COX10: variants seen among roughly 807,000 people sequenced by gnomAD.
The protein encoded by COX10 is cytochrome c oxidase assembly factor heme A:farnesyltransferase COX10.
COX10 carries 27 observed loss-of-function variants against 37.3 expected under a neutral mutation model. The ratio of observed to expected loss-of-function variants is 0.72; its 90% confidence interval spans 0.53 to 1.00. COX10 has a LOEUF of 1.00. Among genes scored for constraint, COX10 ranks in the 50% least tolerant of loss-of-function variants. The pLI is 0.00. For synonymous variants in COX10, 222 were observed against 229.1 expected (o/e 0.97, Z 0.28); for missense variants, 475 against 563.2 (o/e 0.84, Z 1.59).
At chr17:14,102,716 C>T (rs545090269) in intron 4 of COX10, among the ~76,000 whole-genome samples, 7 of 152,062 alleles carry the variant, frequency 4.6e-5, no homozygotes, top group East Asian at 1.9e-4. Context: ...ATATGGAATA[C>T]GGTTATACCC....
chr17:14,155,889 T>A (rs192611298), intron 4 of COX10, among the ~76,000 whole-genome samples: 264 of 152,106 alleles, frequency 1.7e-3, no homozygotes, highest in Non-Finnish European at 2.5e-3. Context: ...CTGGGCTTCT[T>A]TACGATGTTT....
chr17:14,172,464 G>A (rs1905503561), intron 5 of COX10, among the ~76,000 whole-genome samples: 1 of 151,992 alleles, frequency 6.6e-6, no homozygotes. Context: ...TCTTCTGACT[G>A]GGGTAAAATG....
intron 4 of COX10, among the ~76,000 whole-genome samples, chr17:14,120,998 C>G (rs560661250): frequency 6.6e-6 from 1 of 152,264 alleles, no homozygotes; most frequent in East Asian, 1.9e-4. Context: ...ATCTCTTTGT[C>G]CTTTGCTTCT....
rs568686085 is a variant in COX10, at chr17:14,085,610, G to A, written c.499+8554G>A. ...TGTTGGGTATATAGCATGCCATTGC[G>A]TAGTTATACCATAATTTATTTATTT... On this transcript the variant is annotated intron_variant, in intron 3 of 6. Transcript: ENST00000261643. Among the ~76,000 whole-genome samples, 6 of 152,088 alleles carry A rather than the reference G, an allele frequency of 3.9e-5. No homozygotes were observed. The South Asian group carries it at 8.3e-4, about 21-fold the overall frequency.
In COX10 at chr17:14,101,789, T is replaced by A. The variant is rs147938679; in HGVS notation, c.500-329T>A. On this transcript the variant is annotated intron_variant, in intron 3 of 6. Transcript: ENST00000261643. ...AAGAATAAGACCATATACATCTTTA[T>A]CCCTGGCAGTGCGTACTGATTACAA... is the stretch of plus-strand genomic sequence containing the variant. 5.4e-3 allele frequency among the ~76,000 whole-genome samples: 830 copies of A among 152,318 alleles called. 7 individuals are homozygous for A. The highest frequency in any genetic ancestry group is 0.019 in the African/African-American group (785 of 41,580).
At chr17:14,171,343 A>C (rs1403991557) in intron 5 of COX10, among the ~76,000 whole-genome samples, 1 of 152,208 alleles carries the variant, frequency 6.6e-6, no homozygotes, top group South Asian at 2.1e-4. Flanking sequence ...TCAAAGGTAC[A>C]TTTCACTCAA....
intron 4 of COX10, among the ~76,000 whole-genome samples, chr17:14,151,556 C>T (rs1210452609): frequency 6.6e-6 from 1 of 151,538 alleles, no homozygotes; most frequent in African/African-American, 2.4e-5. Flanking sequence ...CACACACACA[C>T]ACACACACAC....
intron 5 of COX10, among the ~76,000 whole-genome samples, chr17:14,173,965 A>C (rs1366284939): frequency 6.6e-6 from 1 of 152,128 alleles, no homozygotes; most frequent in Non-Finnish European, 1.5e-5. Flanking sequence ...TCGATAAAAC[A>C]CAAAAGCCAC....
chr17:14,133,987 A>G (rs1156625398), intron 4 of COX10, among the ~76,000 whole-genome samples: 2 of 151,624 alleles, frequency 1.3e-5, no homozygotes, highest in Non-Finnish European at 3.0e-5. Context: ...GAACCCTGGT[A>G]TTCGTAATGG....
At chr17:14,143,010 A>G (rs1423861229) in intron 4 of COX10, among the ~76,000 whole-genome samples, 1 of 152,190 alleles carries the variant, frequency 6.6e-6, no homozygotes, top group East Asian at 1.9e-4. Context: ...CTTTCAGCAA[A>G]GGAACTCTAG....
intron 6 of COX10, among the ~76,000 whole-genome samples, chr17:14,197,436 TC>T (rs1045480020): frequency 2.0e-5 from 3 of 152,244 alleles, no homozygotes; most frequent in South Asian, 2.1e-4. Flanking sequence ...TGATTTTTTT[TC>T]CCCCCACAAC....
chr17:14,199,983 C>T (rs966807559), intron 6 of COX10, among the ~76,000 whole-genome samples: 18 of 152,132 alleles, frequency 1.2e-4, no homozygotes, highest in Non-Finnish European at 2.2e-4. Flanking sequence ...AGAGAGGAGA[C>T]TATTGTACTG....
rs1374060354 is a variant in COX10 at position 14,175,208 on chromosome 17, T to A, written c.695+15261T>A. On this transcript the variant is annotated intron_variant, in intron 5 of 6. Coordinates refer to ENST00000261643, the MANE Select transcript of COX10 (RefSeq NM_001303.4). ...TGGTTACACTATGTTTACCTTTTTTTTTTTTTAACTCAGAACTAACTGTAC... is the reference window on the plus strand; with the variant it reads ...TGGTTACACTATGTTTACCTTTTTTATTTTTTAACTCAGAACTAACTGTAC... Among the ~76,000 whole-genome samples, 4 of 151,072 alleles carry A rather than the reference T, an allele frequency of 2.6e-5. No individual in the cohort carries two copies. The East Asian group carries it at 5.8e-4, about 22-fold the overall frequency.
At chr17:14,142,976 T>G (rs146174246) in intron 4 of COX10, among the ~76,000 whole-genome samples, 1 of 152,330 alleles carries the variant, frequency 6.6e-6, no homozygotes, top group Non-Finnish European at 1.5e-5. Flanking sequence ...TACCCTGCTA[T>G]AAGAATTTTC....
intron 4 of COX10, among the ~76,000 whole-genome samples, chr17:14,147,287 A>G (rs1904749123): frequency 6.6e-6 from 1 of 152,216 alleles, no homozygotes. Flanking sequence ...AAAATGTGGT[A>G]CTTATACACA....
chr17:14,175,689 A>G (rs1290332344), intron 5 of COX10, among the ~76,000 whole-genome samples: 1 of 151,996 alleles, frequency 6.6e-6, no homozygotes, highest in Admixed American at 6.6e-5. Context: ...GTTGAGCTCT[A>G]AAAGATCATT....
intron 4 of COX10, among the ~76,000 whole-genome samples, chr17:14,145,050 A>C (rs1376011097): frequency 6.6e-6 from 1 of 152,074 alleles, no homozygotes; most frequent in Non-Finnish European, 1.5e-5. Flanking sequence ...GGTAATCCTA[A>C]AGTTAGGAGA....
intron 1 of COX10, among the ~76,000 whole-genome samples, chr17:14,071,947 T>C (rs1045623453): frequency 6.6e-6 from 1 of 152,038 alleles, no homozygotes; most frequent in African/African-American, 2.4e-5. Flanking sequence ...TAGCTGTTTG[T>C]CTCCTTACCT....
chr17:14,076,736 A>T lies in COX10; in HGVS notation c.179A>T (p.Tyr60Phe). The T allele has an allele frequency of 6.2e-7, 1 of 1,614,120 alleles. No homozygotes were observed. The highest frequency in any genetic ancestry group is 8.5e-7 in the Non-Finnish European group (1 of 1,180,006). ...AGTAATGTGTGCTTTTTTGTTTAGT[A>T]TGTCACACAGCTGAACAGAAGCCAC... The part of the protein sequence containing the change: ...FQHFSFLKRM[Y>F]VTQLNRSHNQ... Residue 60 changes from tyrosine to phenylalanine, a missense_variant and splice_region_variant, in exon 3 of 7, where the codon TAT becomes TTT. Tyr to Phe is a conservative substitution (Grantham distance 22, BLOSUM62 3). Coordinates refer to ENST00000261643, the MANE Select transcript of COX10 (RefSeq NM_001303.4).
Sources: gnomAD v4.1 joint callset for allele counts (sites outside exome capture counted in the v4.1 genomes callset) on GRCh38, gnomAD v4.1.1 for gene constraint, MANE v1.5 for transcripts, NCBI Gene and HGNC (gene_info 2026-07-23, HGNC 2026-07-21) for gene names.